The following NUP210 variants were observed in gnomAD, a reference collection of about 807,000 sequenced individuals.
NUP210 encodes the protein nucleoporin 210.
Under a neutral mutation model 196.0 loss-of-function variants are expected in NUP210, and 151 were observed. That is an observed-to-expected ratio of 0.77 (90% CI 0.67 to 0.88). NUP210 has a LOEUF of 0.88. NUP210 is among the 40% of genes least tolerant of loss of function. NUP210 has a pLI of 0.00. For synonymous variants in NUP210, 1,070 were observed against 1,052.7 expected, an observed-to-expected ratio of 1.02 and a Z score of -0.32; for missense variants, 2,314 against 2,493.7, an observed-to-expected ratio of 0.93 and a Z score of 1.53.
intron 1 of NUP210, among the ~76,000 whole-genome samples, chr3:13,410,494 AG>A (rs991778860): frequency 4.0e-5 from 6 of 150,504 alleles, no homozygotes; most frequent in African/African-American, 1.5e-4. Flanking sequence ...GATTTTTAAA[AG>A]CACCACTGGG....
chr3:13,376,666 C>T (rs1190363499), intron 9 of NUP210, among the ~76,000 whole-genome samples: 1 of 152,166 alleles, frequency 6.6e-6, no homozygotes, highest in South Asian at 2.1e-4. Context: ...TGATGACCTG[C>T]GCTTCGATTT....
chr3:13,372,143 G>A, intron 12 of NUP210, 111 bp from the exon 13 acceptor site: 2 of 1,031,570 alleles, frequency 1.9e-6, no homozygotes, highest in South Asian at 3.4e-5. Flanking sequence ...ATACATCTGT[G>A]AGAAGCCTGT....
chr3:13,353,297 G>A (rs1698044683), intron 18 of NUP210, among the ~76,000 whole-genome samples: 1 of 152,130 alleles, frequency 6.6e-6, no homozygotes, highest in Admixed American at 6.5e-5. Context: ...CCTTGTGGCT[G>A]TACCCCCCAT....
In NUP210 at chr3:13,360,577, C is replaced by T. The variant is rs536427696; in HGVS notation, c.1933-86G>A. 195 of 1,022,594 alleles carry T rather than the reference C, an allele frequency of 1.9e-4. 1 individual carries two copies. In the South Asian group the frequency reaches 2.8e-3, roughly 15 times the overall value. The allele number at this position is 1,022,594 out of a possible 1,614,324, so 63.3% of individuals were successfully genotyped here. A position where few individuals can be genotyped will look rare whatever the true frequency, so the allele number is the denominator to read the frequency against. On this transcript the variant is annotated intron_variant, in intron 14 of 39. Transcript: ENST00000254508. ...GCATCCCAGCCCCACATCCTCACCC[C>T]GCTTGTGGGGGCTGGTGGTCAGGCA... is the stretch of plus-strand genomic sequence containing the variant.
At chr3:13,357,812 G>A (rs1698233584) in intron 16 of NUP210, among the ~76,000 whole-genome samples, 1 of 152,084 alleles carries the variant, frequency 6.6e-6, no homozygotes, top group Admixed American at 6.5e-5. Flanking sequence ...TGCTGTAGCT[G>A]GTCACCTCTC....
rs1012755213 is a variant in NUP210, at chr3:13,323,879, C to CACT, written c.4645-450_4645-448dup. Among the ~76,000 whole-genome samples the CACT allele has an allele frequency of 6.6e-6, 1 of 152,172 alleles. No individual in the cohort carries two copies. Among genetic ancestry groups the CACT allele is most frequent in the African/African-American group, 2.4e-5 (1 of 41,430 alleles). Reference sequence around the variant, plus strand: ...CAGCCCCAGGCTGGAGACCTCCCTGCACTCCCTTGGCTAGGACACCCTCCC... The same window carrying CACT: ...CAGCCCCAGGCTGGAGACCTCCCTGCACTACTCCCTTGGCTAGGACACCCTCCC... On this transcript the variant is annotated intron_variant, in intron 33 of 39. Transcript: ENST00000254508. The surrounding 1 kb of genome is among the most constrained non-coding windows in gnomAD (Gnocchi z 4.3).
Position 13,321,702 on chromosome 3 carries a change from G to T in NUP210, c.5049C>A (p.Ala1683=). The T allele has an allele frequency of 6.2e-7, 1 of 1,614,110 alleles. No individual in the cohort carries two copies. Among genetic ancestry groups the T allele is most frequent in the South Asian group, 1.1e-5 (1 of 91,070 alleles). ...AGAGACCTGGGCTGAAGGGCACCTCGGCCCCCACCTGCTCTGTGGAGAAGT... is the reference window on the plus strand; with the variant it reads ...AGAGACCTGGGCTGAAGGGCACCTCTGCCCCCACCTGCTCTGTGGAGAAGT... ...SSHFSTEQVG[A]EVPFSPGLFA... The change falls in exon 36 of 40, where the codon GCC becomes GCA. Residue 1683 remains alanine, a synonymous_variant. Transcript: ENST00000254508.
At chr3:13,389,727 C>T (rs1699419511) in intron 4 of NUP210, among the ~76,000 whole-genome samples, 1 of 152,180 alleles carries the variant, frequency 6.6e-6, no homozygotes, top group South Asian at 2.1e-4. Flanking sequence ...ACATCCCCTA[C>T]AGCCCAGAGC....
chr3:13,328,868 G>A lies in NUP210; in HGVS notation c.4189C>T (p.Pro1397Ser). 6.2e-7 allele frequency: 1 copy of A among 1,614,166 alleles called. No homozygotes were observed. Among genetic ancestry groups the A allele is most frequent in the Non-Finnish European group, 8.5e-7 (1 of 1,180,016 alleles). Reference protein sequence around the residue: ...TQNKEALVAVPLGMTVTFTVH... With the variant: ...TQNKEALVAVSLGMTVTFTVH... ...GTGAAGGTCACGGTCATTCCCAAAGGCACGGCCACCAGGGCCTCCTTGTTC... is the reference window on the plus strand; with the variant it reads ...GTGAAGGTCACGGTCATTCCCAAAGACACGGCCACCAGGGCCTCCTTGTTC... Residue 1397 changes from proline (P) to serine (S), a missense_variant, in exon 31 of 40, where the codon CCT becomes TCT. Pro to Ser is a moderately conservative substitution (Grantham distance 74). Coordinates refer to ENST00000254508, the MANE Select transcript of NUP210 (RefSeq NM_024923.4).
chr3:13,322,613 C>T (rs886226631), intron 34 of NUP210, among the ~76,000 whole-genome samples: 20 of 152,364 alleles, frequency 1.3e-4, no homozygotes, highest in African/African-American at 3.1e-4. Context: ...GCACGGCAGA[C>T]GGGCTAGGCC....
At chr3:13,328,720 C>T in intron 31 of NUP210, 51 bp downstream of exon 31, 3 of 1,534,394 alleles carry the variant, frequency 2.0e-6, no homozygotes, top group Middle Eastern at 1.7e-4. Flanking sequence ...TTGTCTCTAC[C>T]AGGTACCAGA....
chr3:13,386,604 A>G (rs967582231), intron 5 of NUP210, among the ~76,000 whole-genome samples, 197 bp from the exon 6 acceptor site: 4 of 152,198 alleles, frequency 2.6e-5, no homozygotes, highest in African/African-American at 9.7e-5. Context: ...GGCACCCAGA[A>G]AAAGGGCATT....
At chr3:13,414,875 G>A (rs1472159504) in intron 1 of NUP210, among the ~76,000 whole-genome samples, 1 of 152,190 alleles carries the variant, frequency 6.6e-6, no homozygotes, top group Non-Finnish European at 1.5e-5. Context: ...GTGAGTCCCT[G>A]AGAGCAGGGC....
chr3:13,388,286 C>A lies in NUP210; in HGVS notation c.684+17G>T. 1 of 1,582,224 alleles carries A rather than the reference C, an allele frequency of 6.3e-7. No individual in the cohort carries two copies. Among genetic ancestry groups the A allele is most frequent in the Non-Finnish European group, 8.6e-7 (1 of 1,165,792 alleles). Reference sequence around the variant, plus strand: ...CACCCCAGGAAGCCCACTGACACCCCAGCGCCCCAGGCCCACCTTGTAGAC... The same window carrying A: ...CACCCCAGGAAGCCCACTGACACCCAAGCGCCCCAGGCCCACCTTGTAGAC... On this transcript the variant is annotated intron_variant, in intron 5 of 39. Coordinates refer to ENST00000254508, the MANE Select transcript of NUP210 (RefSeq NM_024923.4).
chr3:13,403,956 C>G (rs1226965419), intron 1 of NUP210, among the ~76,000 whole-genome samples: 1 of 152,198 alleles, frequency 6.6e-6, no homozygotes, highest in Non-Finnish European at 1.5e-5. Context: ...CTGGCCTCTG[C>G]AGATCCCCGC....
chr3:13,416,300 C>A (rs1413301345), intron 1 of NUP210, among the ~76,000 whole-genome samples: 1 of 152,124 alleles, frequency 6.6e-6, no homozygotes, highest in Non-Finnish European at 1.5e-5. Flanking sequence ...CATGCTGTGT[C>A]TGGATGTTGT....
chr3:13,364,702 C>T (rs1698473072), intron 14 of NUP210, among the ~76,000 whole-genome samples: 1 of 152,120 alleles, frequency 6.6e-6, no homozygotes, highest in African/African-American at 2.4e-5. Flanking sequence ...GTGGTGCATG[C>T]CTGTAATCCC....
intron 21 of NUP210, 111 bp from the exon 22 acceptor site, chr3:13,342,234 G>T: frequency 7.3e-7 from 1 of 1,369,148 alleles, no homozygotes; most frequent in Non-Finnish European, 1.0e-6. Context: ...CCACAGACCT[G>T]GGAATCAGGA....
intron 27 of NUP210, 129 bp downstream of exon 27, chr3:13,336,657 TG>T: frequency 1.0e-6 from 1 of 958,798 alleles, no homozygotes; most frequent in Non-Finnish European, 1.5e-6. Flanking sequence ...GGGAAGAAAG[TG>T]GGCGGGCCTC....
Sources: gnomAD v4.1 joint callset for allele counts (sites outside exome capture counted in the v4.1 genomes callset) on GRCh38, gnomAD v4.1.1 for gene constraint, Gnocchi (gnomAD v3.1) non-coding constraint, MANE v1.5 for transcripts, NCBI Gene and HGNC (gene_info 2026-07-23, HGNC 2026-07-21) for gene names.